Variants in ALDH4A1 observed in about 807,000 individuals in gnomAD.
The protein encoded by ALDH4A1 is delta-1-pyrroline-5-carboxylate dehydrogenase, mitochondrial.
A neutral mutation model predicts 70.5 loss-of-function variants in ALDH4A1; 46 were observed. That is an observed-to-expected ratio of 0.65 (90% CI 0.51 to 0.83). ALDH4A1 has a LOEUF of 0.83. Among genes scored for constraint, ALDH4A1 ranks in the 40% least tolerant of loss-of-function variants. The probability of loss-of-function intolerance (pLI) is 0.00; values close to 1 mark genes in which losing one functional copy is unlikely to be tolerated. For missense variants in ALDH4A1, 749 were observed against 766.5 expected, an observed-to-expected ratio of 0.98 and a Z score of 0.27; for synonymous variants, 323 against 324.3, an observed-to-expected ratio of 1.00 and a Z score of 0.04.
At chr1:18,879,526 C>T (rs7365978) in intron 8 of ALDH4A1, among the ~76,000 whole-genome samples, 153 bp from the exon 9 acceptor site, 26,521 of 152,024 alleles carry the variant, frequency 0.17, 2,758 homozygotes, top group Non-Finnish European at 0.24. Flanking sequence ...TCCAAGACTA[C>T]GGGGAGCGGG....
At chr1:18,883,477 C>T in intron 5 of ALDH4A1, 49 bp from the exon 6 acceptor site, 1 of 1,610,590 alleles carries the variant, frequency 6.2e-7, no homozygotes, top group Non-Finnish European at 8.5e-7. Flanking sequence ...GCCTCCTGTC[C>T]ATCCTCTTCT....
rs1934750341 is a variant in ALDH4A1, at chr1:18,877,398, G to A, written c.1137+18C>T. ...CAGCCCCCCGCTGGGCCGCGGCGGGGGTGACGGTGCCACTCACGTCGCCCA... is the reference window on the plus strand; with the variant it reads ...CAGCCCCCCGCTGGGCCGCGGCGGGAGTGACGGTGCCACTCACGTCGCCCA... On this transcript the variant is annotated intron_variant, in intron 10 of 14. Coordinates refer to ENST00000375341, the MANE Select transcript of ALDH4A1 (RefSeq NM_003748.4). The A allele has an allele frequency of 1.9e-6, 3 of 1,558,502 alleles. No homozygotes were observed. In the East Asian group the frequency reaches 7.2e-5, roughly 37 times the overall value.
intron 9 of ALDH4A1, 37 bp downstream of exon 9, chr1:18,879,262 TG>T: frequency 6.4e-7 from 1 of 1,568,640 alleles, no homozygotes; most frequent in Non-Finnish European, 8.7e-7. Flanking sequence ...GAGGGGTCCC[TG>T]GGGCCACACG....
In ALDH4A1 at chr1:18,871,837, T is replaced by C. The variant is rs1304418179; in HGVS notation, c.*1008A>G. On this transcript the variant is annotated 3_prime_UTR_variant, in exon 15 of 15. Coordinates refer to ENST00000375341, the MANE Select transcript of ALDH4A1 (RefSeq NM_003748.4). The stretch of plus-strand genomic sequence containing the variant: ...CAGATTGGCTGCGTCAAAAAAAGAA[T>C]GGGCCAGTGAGGGACTGGTCCACAC... The C allele has an allele frequency of 6.6e-6, 1 of 152,228 alleles. No individual in the cohort carries two copies. Among genetic ancestry groups the C allele is most frequent in the Admixed American group, 6.5e-5 (1 of 15,280 alleles). The allele number at this position is 152,228 out of a possible 1,614,324, so 9.4% of individuals were successfully genotyped here. A position where few individuals can be genotyped will look rare whatever the true frequency, so the allele number is the denominator to read the frequency against.
At chr1:18,891,289 G>A (rs1480389637) in intron 1 of ALDH4A1, among the ~76,000 whole-genome samples, 2 of 152,190 alleles carry the variant, frequency 1.3e-5, no homozygotes, top group African/African-American at 2.4e-5. Flanking sequence ...CCCATCTACC[G>A]TGGCATAGGA....
rs1471060958 is a variant in ALDH4A1 at position 18,898,603 on chromosome 1, T to C, written c.62+3859A>G. ...AAAGTGCTTTCCATGTATGAGACCA[T>C]TTAACACGCAGGACAATCCTATGAG... On this transcript the variant is annotated intron_variant, in intron 1 of 14. Coordinates refer to ENST00000375341, the MANE Select transcript of ALDH4A1 (RefSeq NM_003748.4). The surrounding 1 kb of genome is among the most constrained non-coding windows in gnomAD (Gnocchi z 4.3). Among the ~76,000 whole-genome samples the C allele has an allele frequency of 6.6e-6, 1 of 152,216 alleles. No homozygotes were observed. Among genetic ancestry groups the C allele is most frequent in the African/African-American group, 2.4e-5 (1 of 41,456 alleles).
intron 4 of ALDH4A1, 105 bp from the exon 5 acceptor site, chr1:18,885,733 G>A: frequency 6.7e-7 from 1 of 1,488,846 alleles, no homozygotes; most frequent in Non-Finnish European, 9.2e-7. Context: ...TCCATCCGGG[G>A]ACAATGCCTG....
chr1:18,890,226 C>A, intron 1 of ALDH4A1, 121 bp from the exon 2 acceptor site: 2 of 824,804 alleles, frequency 2.4e-6, no homozygotes, highest in South Asian at 1.5e-5. Context: ...AAATCCAATG[C>A]AACTAGAAAG....
At chr1:18,889,957 GA>G in intron 2 of ALDH4A1, 54 bp downstream of exon 2, 1 of 1,415,752 alleles carries the variant, frequency 7.1e-7, no homozygotes, top group Non-Finnish European at 9.7e-7. Flanking sequence ...GGCTGCTGGG[GA>G]TGGCCTCTGC....
At position 18,881,886 on chromosome 1, in the gene ALDH4A1, C is replaced by G. The variant is rs765985501; in HGVS notation, c.680G>C (p.Gly227Ala). 1.2e-6 allele frequency: 2 copies of G among 1,613,086 alleles called. No individual in the cohort carries two copies. The highest frequency in any genetic ancestry group is 2.2e-5 in the South Asian group (2 of 91,026). ...GNLAGAPALM[G>A]NVVLWKPSDT... ...ACTGGGCTTCCATAGGACCACGTTG[C>G]CCTGCCCGGGAGGTGTTTCAGTGAT... The change falls in exon 8 of 15, where the codon GGC becomes GCC. Residue 227 changes from glycine to alanine, a missense_variant and splice_region_variant. Transcript: ENST00000375341.
intron 5 of ALDH4A1, among the ~76,000 whole-genome samples, chr1:18,884,851 C>T (rs1170631524): frequency 6.6e-6 from 1 of 152,170 alleles, no homozygotes; most frequent in Non-Finnish European, 1.5e-5. Flanking sequence ...TAAGAGTTCA[C>T]TGAGCACGGA....
At chr1:18,876,579 A>C in intron 11 of ALDH4A1, 112 bp from the exon 12 acceptor site, 1 of 1,272,360 alleles carries the variant, frequency 7.9e-7, no homozygotes. Flanking sequence ...CAACTCCTGA[A>C]ACAGGGGCAG....
At chr1:18,881,365 T>C (rs1410877445) in intron 8 of ALDH4A1, among the ~76,000 whole-genome samples, 1 of 152,212 alleles carries the variant, frequency 6.6e-6, no homozygotes, top group Non-Finnish European at 1.5e-5. Context: ...CAGTTCATTC[T>C]GTGCTCCCCT....
chr1:18,882,283 C>T (rs994488758), intron 7 of ALDH4A1, among the ~76,000 whole-genome samples: 2 of 151,904 alleles, frequency 1.3e-5, no homozygotes, highest in African/African-American at 4.8e-5. Flanking sequence ...GGCACGTGGG[C>T]GCCTGGCCAT....
chr1:18,895,540 C>A (rs528207507), intron 1 of ALDH4A1, among the ~76,000 whole-genome samples: 17 of 152,234 alleles, frequency 1.1e-4, no homozygotes, highest in Admixed American at 1.1e-3. Flanking sequence ...GATGTCAGGG[C>A]TACAAGTACT....
intron 9 of ALDH4A1, 61 bp from the exon 10 acceptor site, chr1:18,877,673 C>T (rs1331326207): frequency 3.4e-6 from 5 of 1,450,526 alleles, no homozygotes; most frequent in Non-Finnish European, 3.8e-6. Context: ...TGCCCAGGGG[C>T]CCAAAACACC....
At chr1:18,886,368 A>G (rs1935199989) in intron 4 of ALDH4A1, 96 bp downstream of exon 4, 1 of 1,422,352 alleles carries the variant, frequency 7.0e-7, no homozygotes, top group Non-Finnish European at 9.9e-7. Flanking sequence ...GGACACAGCA[A>G]CTGATGCCCC....
chr1:18,884,344 G>C (rs771042614), intron 5 of ALDH4A1, among the ~76,000 whole-genome samples: 5 of 152,084 alleles, frequency 3.3e-5, no homozygotes, highest in Non-Finnish European at 7.4e-5. Context: ...GGACCGAGGA[G>C]CAGGCAGTGG....
intron 1 of ALDH4A1, among the ~76,000 whole-genome samples, chr1:18,902,180 G>A (rs1033321513): frequency 2.0e-5 from 3 of 152,138 alleles, no homozygotes; most frequent in African/African-American, 7.2e-5. Flanking sequence ...CCGAGCGTGG[G>A]AACCGGCAGG....
Sources: gnomAD v4.1 joint callset for allele counts (sites outside exome capture counted in the v4.1 genomes callset) on GRCh38, gnomAD v4.1.1 for gene constraint, Gnocchi (gnomAD v3.1) non-coding constraint, MANE v1.5 for transcripts, NCBI Gene and HGNC (gene_info 2026-07-23, HGNC 2026-07-21) for gene names.